RELN: variants seen among roughly 807,000 people sequenced by gnomAD.
The protein encoded by RELN is reelin.
RELN carries 108 observed loss-of-function variants against 427.6 expected under a neutral mutation model. The observed-to-expected ratio is 0.25, with a 90% confidence interval of 0.22 to 0.30. The LOEUF (loss-of-function observed/expected upper bound fraction) is 0.30, where lower values mean the gene tolerates loss of function less well. Ranked by LOEUF, RELN falls within the 10% of genes least tolerant of loss-of-function variation. RELN has a pLI of 1.00. For synonymous variants in RELN, 1,524 were observed against 1,513.4 expected, an observed-to-expected ratio of 1.01 and a Z score of -0.16; for missense variants, 3,715 against 4,302.8, an observed-to-expected ratio of 0.86 and a Z score of 3.82.
intron 36 of RELN, among the ~76,000 whole-genome samples, chr7:103,560,128 A>G (rs1333561123): frequency 6.6e-6 from 1 of 152,204 alleles, no homozygotes; most frequent in Non-Finnish European, 1.5e-5. Context: ...GCTGCCACAT[A>G]TATTCTAGTT....
intron 63 of RELN, among the ~76,000 whole-genome samples, chr7:103,481,570 G>T (rs1828239649): frequency 6.6e-6 from 1 of 152,168 alleles, no homozygotes; most frequent in African/African-American, 2.4e-5. Context: ...CATCCAAAGG[G>T]ATGGGCCTGG....
chr7:103,561,959 C>CAAAAAA lies in RELN; in HGVS notation c.5211-12_5211-7dup, dbSNP rs34125550. On this transcript the variant is annotated splice_region_variant and splice_polypyrimidine_tract_variant and intron_variant, in intron 34 of 64. Coordinates refer to ENST00000428762, the MANE Select transcript of RELN (RefSeq NM_005045.4). ...TGAACCGGGTCCTGGGAGAACTAAC[C>CAAAAAA]AAAAAAAAAAAAAAAAAAACACACC... is the stretch of plus-strand genomic sequence containing the variant. 7.8e-5 allele frequency: 103 copies of CAAAAAA among 1,315,082 alleles called. 7 individuals are homozygous for CAAAAAA. The highest frequency in any genetic ancestry group is 5.3e-4 in the Admixed American group (18 of 34,136). 81.5% of individuals were successfully genotyped at this position (1,315,082 alleles called of 1,614,324 possible).
chr7:103,954,488 T>C (rs1796395881), intron 1 of RELN, among the ~76,000 whole-genome samples: 1 of 152,138 alleles, frequency 6.6e-6, no homozygotes, highest in Non-Finnish European at 1.5e-5. Context: ...TTTACTCCCA[T>C]TTTCCTTTAT....
intron 2 of RELN, among the ~76,000 whole-genome samples, chr7:103,915,775 G>T (rs1345021148): frequency 6.6e-6 from 1 of 152,110 alleles, no homozygotes; most frequent in African/African-American, 2.4e-5. Context: ...ATTTAACAAA[G>T]TGTCTGGTAG....
chr7:103,909,401 T>C (rs1014940763), intron 2 of RELN, among the ~76,000 whole-genome samples: 14 of 151,610 alleles, frequency 9.2e-5, no homozygotes, highest in Admixed American at 7.9e-4. Context: ...TACCATAAAA[T>C]CTAAAATTAC....
At chr7:103,711,030 G>A (rs1415294735) in intron 8 of RELN, among the ~76,000 whole-genome samples, 2 of 152,058 alleles carry the variant, frequency 1.3e-5, no homozygotes, top group Admixed American at 6.5e-5. Context: ...GCAACAGAGC[G>A]AGACTCCGTC....
chr7:103,719,920 A>G (rs1252808650), intron 8 of RELN, among the ~76,000 whole-genome samples: 3 of 152,194 alleles, frequency 2.0e-5, no homozygotes, highest in Non-Finnish European at 4.4e-5. Flanking sequence ...ACACTTTCCA[A>G]GATGATTTAG....
intron 6 of RELN, among the ~76,000 whole-genome samples, chr7:103,742,432 T>A (rs377241252): frequency 6.6e-6 from 1 of 152,062 alleles, no homozygotes; most frequent in African/African-American, 2.4e-5. Context: ...CTTTGACAAG[T>A]TGACAGAAGA....
chr7:103,695,124 A>C (rs542064825), intron 10 of RELN, among the ~76,000 whole-genome samples: 9 of 152,280 alleles, frequency 5.9e-5, no homozygotes, highest in Admixed American at 3.9e-4. Flanking sequence ...GAGGCCATCA[A>C]GTAAAGAAAC....
At chr7:103,624,571 C>T (rs927086215) in intron 20 of RELN, among the ~76,000 whole-genome samples, 4 of 152,106 alleles carry the variant, frequency 2.6e-5, no homozygotes, top group East Asian at 1.9e-4. Flanking sequence ...GGATTACAGG[C>T]GTCCGCCACC....
chr7:103,875,134 C>T (rs1319595243), intron 2 of RELN, among the ~76,000 whole-genome samples: 2 of 146,466 alleles, frequency 1.4e-5, no homozygotes, highest in East Asian at 2.1e-4. Context: ...ATAAATTGTG[C>T]TGGGAAAACT....
intron 28 of RELN, among the ~76,000 whole-genome samples, chr7:103,582,346 C>CTTT (rs1343911286): frequency 1.3e-5 from 2 of 152,186 alleles, no homozygotes; most frequent in Non-Finnish European, 2.9e-5. Flanking sequence ...AAGCATATGG[C>CTTT]AAGTCAAATT....
intron 1 of RELN, among the ~76,000 whole-genome samples, chr7:103,986,684 G>C (rs918203833): frequency 6.7e-6 from 1 of 148,380 alleles, no homozygotes; most frequent in Non-Finnish European, 1.5e-5. Context: ...CCTAAACATG[G>C]TTCATTCAAA....
chr7:103,753,925 G>A (rs28410999), intron 4 of RELN, among the ~76,000 whole-genome samples: 1,673 of 152,212 alleles, frequency 0.011, 34 homozygotes, highest in African/African-American at 0.037. Context: ...AAACTGATAT[G>A]TTTTTGCATT....
intron 1 of RELN, among the ~76,000 whole-genome samples, chr7:103,933,191 A>G (rs1198638467): frequency 6.6e-6 from 1 of 152,174 alleles, no homozygotes; most frequent in African/African-American, 2.4e-5. Flanking sequence ...AGCAGACATA[A>G]ACAATAGTAA....
At chr7:103,714,919 A>T (rs990185246) in intron 8 of RELN, among the ~76,000 whole-genome samples, 4 of 152,226 alleles carry the variant, frequency 2.6e-5, no homozygotes, top group Non-Finnish European at 4.4e-5. Flanking sequence ...GACAGAGCAA[A>T]CAAATTTAAT....
rs1355771125 is a variant in RELN at position 103,515,410 on chromosome 7, T to C, written c.7894A>G (p.Lys2632Glu). ...CAGCGGAAGCGAGTGGCAATCTCTT[T>C]AGCATCAGGAGGGAGAAGGATATTC... The part of the protein sequence containing the change: ...FVNILLPPDA[K>E]EIATRFRWWQ... The change falls in exon 50 of 65, where the codon AAA becomes GAA. Residue 2632 changes from lysine to glutamate, a missense_variant. This residue lies in a region of RELN where 1,310 missense variants were observed against 1,643.0 expected (regional missense o/e 0.80). Transcript: ENST00000428762. The C allele has an allele frequency of 6.2e-7, 1 of 1,613,970 alleles. No homozygotes were observed. The highest frequency in any genetic ancestry group is 8.5e-7 in the Non-Finnish European group (1 of 1,180,026).
chr7:103,594,032 CT>C, intron 26 of RELN, 150 bp from the exon 27 acceptor site: 2 of 718,254 alleles, frequency 2.8e-6, no homozygotes, highest in Non-Finnish European at 4.7e-6. Context: ...CTGCTATTAA[CT>C]TTTTCTCCTG....
chr7:103,511,092 T>C, intron 50 of RELN, 87 bp from the exon 51 acceptor site: 4 of 916,032 alleles, frequency 4.4e-6, no homozygotes, highest in Admixed American at 2.0e-5. Context: ...CATAGAATTA[T>C]TTTAAGTAGA....
Sources: allele counts gnomAD v4.1 joint callset (sites outside exome capture counted in the v4.1 genomes callset), GRCh38; gene constraint gnomAD v4.1.1; regional missense constraint gnomAD v4.1.1; transcripts MANE v1.5; gene names NCBI Gene and HGNC (gene_info 2026-07-23, HGNC 2026-07-21).